The following CTNNA1 variants were observed in gnomAD, a reference collection of about 807,000 sequenced individuals.
CTNNA1 encodes catenin alpha 1.
A neutral mutation model predicts 98.4 loss-of-function variants in CTNNA1; 37 were observed. The observed-to-expected ratio is 0.38, with a 90% confidence interval of 0.29 to 0.49. CTNNA1 has a LOEUF of 0.49. Ranked by LOEUF, CTNNA1 falls within the 20% of genes least tolerant of loss-of-function variation. The probability of loss-of-function intolerance (pLI) is 0.95; values close to 1 mark genes in which losing one functional copy is unlikely to be tolerated. For missense variants in CTNNA1, 761 were observed against 1,147.2 expected (o/e 0.66, Z 4.86); for synonymous variants, 404 against 413.2 (o/e 0.98, Z 0.27).
At chr5:138,809,877 A>T (rs1561546987) in intron 3 of CTNNA1, among the ~76,000 whole-genome samples, 161 bp from the exon 4 acceptor site, 2 of 152,172 alleles carry the variant, frequency 1.3e-5, no homozygotes, top group African/African-American at 4.8e-5. Flanking sequence ...TGATAGCTAT[A>T]AAACAAACAA....
chr5:138,841,026 G>A (rs1247917371), intron 7 of CTNNA1, among the ~76,000 whole-genome samples: 1 of 152,162 alleles, frequency 6.6e-6, no homozygotes, highest in Non-Finnish European at 1.5e-5. Context: ...CCTCCTTTCT[G>A]ACTTCAGACC....
intron 7 of CTNNA1, among the ~76,000 whole-genome samples, chr5:138,846,210 T>C (rs1018853346): frequency 6.6e-6 from 1 of 152,144 alleles, no homozygotes; most frequent in African/African-American, 2.4e-5. Context: ...CCTCGGCCTC[T>C]CAAAGTGCTG....
chr5:138,931,966 C>G, intron 16 of CTNNA1: 2 of 985,472 alleles, frequency 2.0e-6, no homozygotes, highest in Non-Finnish European at 2.4e-6. Context: ...GCCTCTAAAA[C>G]TCTGAGATGT....
intron 9 of CTNNA1, among the ~76,000 whole-genome samples, chr5:138,896,993 C>T (rs184798650): frequency 6.6e-6 from 1 of 152,188 alleles, no homozygotes; most frequent in African/African-American, 2.4e-5. Flanking sequence ...AGTACATTTT[C>T]AATTTTGTGA....
At chr5:138,764,353 T>C (rs62384266) in intron 1 of CTNNA1, among the ~76,000 whole-genome samples, 104,916 of 151,658 alleles carry the variant, frequency 0.69, 36,413 homozygotes, top group East Asian at 0.93. Context: ...GCAACAAGAG[T>C]GAAACTCTGT....
At chr5:138,866,767 A>G (rs951908886) in intron 7 of CTNNA1, among the ~76,000 whole-genome samples, 2 of 152,226 alleles carry the variant, frequency 1.3e-5, no homozygotes, top group African/African-American at 4.8e-5. Flanking sequence ...GAGGTTTAAG[A>G]TGTGTCCTTT....
chr5:138,934,047 G>A lies in CTNNA1; in HGVS notation c.2679G>A (p.Pro893=), dbSNP rs1059181. 6.8e-6 allele frequency: 11 copies of A among 1,613,506 alleles called. No individual in the cohort carries two copies. Among genetic ancestry groups the A allele is most frequent in the East Asian group, 6.7e-5 (3 of 44,874 alleles). Reference sequence around the variant, plus strand: ...CATCTCAGAAGAAGCACGTGAACCCGGTGCAGGCCCTCAGCGAGTTCAAAG... The same window carrying A: ...CATCTCAGAAGAAGCACGTGAACCCAGTGCAGGCCCTCAGCGAGTTCAAAG... ...KRASQKKHVN[P]VQALSEFKAM... is the part of the protein sequence containing the mutation. Residue 893 remains proline (P), a synonymous_variant, in exon 18 of 18, where the codon CCG becomes CCA. Coordinates refer to ENST00000302763, the MANE Select transcript of CTNNA1 (RefSeq NM_001903.5).
At chr5:138,925,174 G>A in intron 12 of CTNNA1, 82 bp from the exon 13 acceptor site, 1 of 1,491,388 alleles carries the variant, frequency 6.7e-7, no homozygotes, top group South Asian at 1.3e-5. Context: ...ACCTCTTTCT[G>A]TCTAGCTGAG....
chr5:138,838,833 G>A (rs1218963416), intron 7 of CTNNA1, among the ~76,000 whole-genome samples: 1 of 152,112 alleles, frequency 6.6e-6, no homozygotes, highest in East Asian at 1.9e-4. Flanking sequence ...GTCTCATCGT[G>A]TTACCCAGGC....
At chr5:138,933,057 C>T (rs1305168215) in intron 17 of CTNNA1, 2 of 733,826 alleles carry the variant, frequency 2.7e-6, no homozygotes, top group African/African-American at 3.4e-5. Context: ...TTACTTGAGC[C>T]TGGGAGATGG....
chr5:138,820,293 G>A (rs1250522004), intron 5 of CTNNA1, among the ~76,000 whole-genome samples: 4 of 151,766 alleles, frequency 2.6e-5, no homozygotes, highest in African/African-American at 7.3e-5. Flanking sequence ...AGCTGTGGCC[G>A]CTCACACTAG....
At chr5:138,916,911 A>G (rs1266782357) in intron 10 of CTNNA1, among the ~76,000 whole-genome samples, 1 of 152,070 alleles carries the variant, frequency 6.6e-6, no homozygotes, top group Non-Finnish European at 1.5e-5. Context: ...AGTAGCTGGA[A>G]TTACAGGCGT....
chr5:138,823,249 T>G (rs1760218300), intron 5 of CTNNA1, among the ~76,000 whole-genome samples: 1 of 152,188 alleles, frequency 6.6e-6, no homozygotes, highest in African/African-American at 2.4e-5. Flanking sequence ...ATCTTGTGTA[T>G]TTTTGGCATC....
intron 16 of CTNNA1, 163 bp downstream of exon 16, chr5:138,931,098 A>G (rs186427289): frequency 3.3e-6 from 2 of 613,914 alleles, no homozygotes; most frequent in Admixed American, 2.7e-5. Flanking sequence ...GATTCTCTAG[A>G]GCGGATGTGT....
intron 3 of CTNNA1, among the ~76,000 whole-genome samples, chr5:138,803,370 G>A (rs1757769106): frequency 6.6e-6 from 1 of 152,070 alleles, no homozygotes; most frequent in African/African-American, 2.4e-5. Flanking sequence ...TACGTAGGCT[G>A]GTCTTGAACT....
chr5:138,761,695 C>G (rs537411776), intron 1 of CTNNA1, among the ~76,000 whole-genome samples: 1 of 152,200 alleles, frequency 6.6e-6, no homozygotes, highest in South Asian at 2.1e-4. Flanking sequence ...CCCAATTATT[C>G]TTTCTACCTT....
chr5:138,934,107 G>A lies in CTNNA1; in HGVS notation c.*18G>A, dbSNP rs375533864. 2.2e-5 allele frequency: 35 copies of A among 1,596,900 alleles called. No individual in the cohort carries two copies. Among genetic ancestry groups the A allele is most frequent in the Admixed American group, 5.0e-5 (3 of 59,580 alleles). On this transcript the variant is annotated 3_prime_UTR_variant, in exon 18 of 18. Coordinates refer to ENST00000302763, the MANE Select transcript of CTNNA1 (RefSeq NM_001903.5). Reference sequence around the variant, plus strand: ...GCATCTAAGTCTGCCCAGGCCGGCCGCCCCCACCCCTCGGGGCTCCTGAAT... The same window carrying A: ...GCATCTAAGTCTGCCCAGGCCGGCCACCCCCACCCCTCGGGGCTCCTGAAT...
At chr5:138,819,624 T>C (rs1249697488) in intron 5 of CTNNA1, among the ~76,000 whole-genome samples, 1 of 152,148 alleles carries the variant, frequency 6.6e-6, no homozygotes, top group Non-Finnish European at 1.5e-5. Flanking sequence ...GGGCACCACT[T>C]CTGCTAAAGC....
rs546711317 is a variant in CTNNA1 at position 138,849,642 on chromosome 5, A to G, written c.1062+21924A>G. 2.6e-5 allele frequency among the ~76,000 whole-genome samples: 4 copies of G among 152,332 alleles called. No individual in the cohort carries two copies. In the South Asian group the frequency reaches 8.3e-4, roughly 32 times the overall value. ...CATCACTCCACTTCAGGAGATGTGAACAGTTGCCATCAGATGTTATCTATG... is the reference window on the plus strand; with the variant it reads ...CATCACTCCACTTCAGGAGATGTGAGCAGTTGCCATCAGATGTTATCTATG... On this transcript the variant is annotated intron_variant, in intron 7 of 17. Transcript: ENST00000302763.
Sources: gnomAD v4.1 joint callset for allele counts (sites outside exome capture counted in the v4.1 genomes callset) on GRCh38, gnomAD v4.1.1 for gene constraint, MANE v1.5 for transcripts, NCBI Gene and HGNC (gene_info 2026-07-23, HGNC 2026-07-21) for gene names.